CCDC91: variants seen among roughly 807,000 people sequenced by gnomAD.
CCDC91 encodes coiled-coil domain-containing protein 91.
A neutral mutation model predicts 63.2 loss-of-function variants in CCDC91; 48 were observed. The observed-to-expected ratio is 0.76, with a 90% CI of 0.60 to 0.97. The LOEUF is 0.97. Ranked by LOEUF, CCDC91 falls within the 50% of genes least tolerant of loss-of-function variation. The probability of loss-of-function intolerance (pLI) is 0.00; values close to 1 mark genes in which losing one functional copy is unlikely to be tolerated. For synonymous variants in CCDC91, 167 were observed against 165.8 expected (o/e 1.01, Z -0.06); for missense variants, 500 against 494.6 (o/e 1.01, Z -0.10).
At position 28,419,115 on chromosome 12, in the gene CCDC91, C is replaced by A. The variant is rs745822070; in HGVS notation, c.762+27704C>A. Among the ~76,000 whole-genome samples the A allele has an allele frequency of 4.6e-5, 7 of 152,128 alleles. No individual in the cohort carries two copies. The East Asian group carries it at 7.7e-4, about 17-fold the overall frequency. ...TTTTATACCAAACCCTGGAGGGGTC[C>A]TAGGGATATAACAGTGAAAAAGTCT... On this transcript the variant is annotated intron_variant, in intron 8 of 12. Coordinates refer to ENST00000536442, the MANE Select transcript of CCDC91 (RefSeq NM_018318.5).
At chr12:28,337,907 A>G (rs1239208396) in intron 6 of CCDC91, among the ~76,000 whole-genome samples, 1 of 151,974 alleles carries the variant, frequency 6.6e-6, no homozygotes, top group Non-Finnish European at 1.5e-5. Flanking sequence ...TTTAAACTCC[A>G]TTATCTAAGT....
Position 28,259,433 on chromosome 12 carries a change from T to G in CCDC91, c.100T>G (p.Phe34Val). 1 of 1,604,836 alleles carries G rather than the reference T, an allele frequency of 6.2e-7. No homozygotes were observed. The highest frequency in any genetic ancestry group is 8.5e-7 in the Non-Finnish European group (1 of 1,172,152). The change falls in exon 3 of 13, where the codon TTT becomes GTT. Residue 34 changes from phenylalanine (F) to valine (V), a missense_variant. Coordinates refer to ENST00000536442, the MANE Select transcript of CCDC91 (RefSeq NM_018318.5). ...TTSPAIPWAA[F>V]PAVSGVHLSP... is the part of the protein sequence containing the mutation. The stretch of plus-strand genomic sequence containing the variant: ...ATCTCCTGCTATTCCTTGGGCTGCC[T>G]TTCCTGCAGGTATTGGTATCCAGGA...
Position 28,306,844 on chromosome 12 carries a change from G to A in CCDC91, c.370G>A (p.Asp124Asn). 6.2e-7 allele frequency: 1 copy of A among 1,612,144 alleles called. No homozygotes were observed. Among genetic ancestry groups the A allele is most frequent in the Non-Finnish European group, 8.5e-7 (1 of 1,178,658 alleles). Residue 124 changes from aspartate to asparagine, a missense_variant, in exon 5 of 13, where the codon GAT (aspartate) becomes AAT (asparagine). By Grantham distance (23) the Asp-to-Asn change is conservative (BLOSUM62 1). Coordinates refer to ENST00000536442, the MANE Select transcript of CCDC91 (RefSeq NM_018318.5). ...AATTGCCCTTGTGGATGATTCTGAG[G>A]ATCCTGGAGCCAATGTATCTAACAT... is the stretch of plus-strand genomic sequence containing the variant. ...GTIALVDDSE[D>N]PGANVSNIQL...
At chr12:28,277,865 CT>C (rs2136508005) in intron 3 of CCDC91, among the ~76,000 whole-genome samples, 1 of 152,018 alleles carries the variant, frequency 6.6e-6, no homozygotes, top group East Asian at 1.9e-4. Context: ...TTTCAAGGGC[CT>C]TTGTGATCTG....
intron 6 of CCDC91, among the ~76,000 whole-genome samples, chr12:28,317,290 A>G (rs1299144005): frequency 2.6e-5 from 4 of 152,018 alleles, no homozygotes; most frequent in East Asian, 3.9e-4. Context: ...AAGCTATACT[A>G]TTGTTAATAC....
chr12:28,210,976 AG>A (rs908203951), intron 1 of CCDC91, among the ~76,000 whole-genome samples: 1 of 150,222 alleles, frequency 6.7e-6, no homozygotes, highest in African/African-American at 2.5e-5. Context: ...TCTGCAGCAA[AG>A]GTTATTACTG....
At chr12:28,191,878 CT>C (rs1220307738) in intron 1 of CCDC91, among the ~76,000 whole-genome samples, 2 of 152,162 alleles carry the variant, frequency 1.3e-5, no homozygotes, top group Admixed American at 1.3e-4. Context: ...GAGAATTGCC[CT>C]GGTTACGAAG....
At chr12:28,530,812 C>T (rs570397831) in intron 12 of CCDC91, among the ~76,000 whole-genome samples, 1 of 152,224 alleles carries the variant, frequency 6.6e-6, no homozygotes, top group South Asian at 2.1e-4. Context: ...AAGGAGTCTC[C>T]TTTAGGTCCA....
chr12:28,314,390 T>C (rs1403973489), intron 6 of CCDC91, among the ~76,000 whole-genome samples: 2 of 152,014 alleles, frequency 1.3e-5, no homozygotes, highest in African/African-American at 2.4e-5. Flanking sequence ...GTGTTGGACA[T>C]TGGGCGCTTG....
intron 3 of CCDC91, among the ~76,000 whole-genome samples, chr12:28,286,113 G>A (rs919650244): frequency 1.4e-4 from 22 of 151,790 alleles, no homozygotes; most frequent in Admixed American, 1.2e-3. Context: ...GGAACACAAA[G>A]AGCTAAGTAT....
intron 1 of CCDC91, among the ~76,000 whole-genome samples, chr12:28,221,868 T>G (rs747180193): frequency 2.6e-5 from 4 of 152,198 alleles, no homozygotes; most frequent in Admixed American, 6.6e-5. Flanking sequence ...GCTCTATTTC[T>G]CAGATGCTTG....
At chr12:28,362,659 C>A (rs575624601) in intron 7 of CCDC91, 144 bp downstream of exon 7, 16 of 499,054 alleles carry the variant, frequency 3.2e-5, no homozygotes, top group African/African-American at 3.0e-4. Flanking sequence ...CAACAAATAT[C>A]CATTGAAAGC....
At chr12:28,307,902 A>G (rs1015685684) in intron 6 of CCDC91, among the ~76,000 whole-genome samples, 153 bp downstream of exon 6, 1 of 152,016 alleles carries the variant, frequency 6.6e-6, no homozygotes, top group Non-Finnish European at 1.5e-5. Context: ...ATTAATGGGA[A>G]GACACCCATT....
intron 7 of CCDC91, among the ~76,000 whole-genome samples, chr12:28,374,551 CAA>C (rs1944826854): frequency 1.3e-5 from 2 of 152,090 alleles, no homozygotes; most frequent in South Asian, 4.1e-4. Flanking sequence ...TCGGATAAAA[CAA>C]TATCCTAAAG....
chr12:28,350,880 T>C (rs1252219251), intron 6 of CCDC91, among the ~76,000 whole-genome samples: 1 of 152,218 alleles, frequency 6.6e-6, no homozygotes, highest in African/African-American at 2.4e-5. Flanking sequence ...TCATTGAATT[T>C]AGGGCACATT....
intron 8 of CCDC91, among the ~76,000 whole-genome samples, chr12:28,438,810 C>A (rs1191500359): frequency 6.6e-6 from 1 of 152,108 alleles, no homozygotes; most frequent in Non-Finnish European, 1.5e-5. Flanking sequence ...CATGGCATAA[C>A]CCCATCTTAA....
intron 3 of CCDC91, among the ~76,000 whole-genome samples, chr12:28,261,961 A>G (rs534114852): frequency 1.7e-3 from 264 of 152,154 alleles, no homozygotes; most frequent in Middle Eastern, 6.8e-3. Context: ...AAACATGGCT[A>G]AGGGCTGAAG....
chr12:28,511,182 A>G (rs1295718031), intron 12 of CCDC91, among the ~76,000 whole-genome samples: 1 of 151,750 alleles, frequency 6.6e-6, no homozygotes, highest in Non-Finnish European at 1.5e-5. Flanking sequence ...CATCTCCACT[A>G]CTGTGTCACA....
chr12:28,218,445 CA>C (rs770458667), intron 1 of CCDC91, among the ~76,000 whole-genome samples: 78 of 143,054 alleles, frequency 5.5e-4, no homozygotes, highest in Admixed American at 1.7e-3. Context: ...AATAACTCCT[CA>C]AGCTGGAAGA....
Sources: gnomAD v4.1 joint callset for allele counts (sites outside exome capture counted in the v4.1 genomes callset) on GRCh38, gnomAD v4.1.1 for gene constraint, MANE v1.5 for transcripts, NCBI Gene and HGNC (gene_info 2026-07-23, HGNC 2026-07-21) for gene names.